Variants in VPS13D observed in about 807,000 individuals in gnomAD.
The protein encoded by VPS13D is intermembrane lipid transfer protein VPS13D.
Under a neutral mutation model 461.9 loss-of-function variants are expected in VPS13D, and 187 were observed. The ratio of observed to expected loss-of-function variants is 0.40; its 90% CI spans 0.36 to 0.46. The LOEUF is 0.46. Ranked by LOEUF, VPS13D falls within the 20% of genes least tolerant of loss-of-function variation. VPS13D has a pLI of 0.60. For synonymous variants in VPS13D, 1,951 were observed against 1,986.3 expected, an observed-to-expected ratio of 0.98 and a Z score of 0.47; for missense variants, 4,711 against 5,364.9, an observed-to-expected ratio of 0.88 and a Z score of 3.81.
chr1:12,247,886 ATTTT>A (rs573458027), intron 5 of VPS13D, among the ~76,000 whole-genome samples: 2 of 118,838 alleles, frequency 1.7e-5, no homozygotes, highest in African/African-American at 3.1e-5. Context: ...GTATTTTTGT[ATTTT>A]TTTTTTTTTT....
chr1:12,455,174 T>C (rs1030705634), intron 65 of VPS13D, among the ~76,000 whole-genome samples: 1 of 152,220 alleles, frequency 6.6e-6, no homozygotes, highest in Non-Finnish European at 1.5e-5. Flanking sequence ...TGTTAATCTT[T>C]CCATCGATTT....
intron 35 of VPS13D, among the ~76,000 whole-genome samples, chr1:12,323,991 C>T (rs560896739): frequency 5.3e-5 from 8 of 152,286 alleles, no homozygotes; most frequent in African/African-American, 9.6e-5. Flanking sequence ...TCACTGCAAC[C>T]TCCACCTCCC....
intron 65 of VPS13D, among the ~76,000 whole-genome samples, chr1:12,429,249 T>A (rs1028926862): frequency 6.6e-6 from 1 of 152,204 alleles, no homozygotes; most frequent in Non-Finnish European, 1.5e-5. Flanking sequence ...ATGAATGTGT[T>A]ATTGTCTAGC....
rs144224085 is a variant in VPS13D, at chr1:12,280,031, G to T, written c.4602+381G>T. Among the ~76,000 whole-genome samples, 163 of 152,130 alleles carry T rather than the reference G, an allele frequency of 1.1e-3. 1 individual carries two copies. The East Asian group carries it at 0.019, about 18-fold the overall frequency. ...GAAACATTGTGATCATCTGAGCTGT[G>T]GACAGATCCTTTCAACAGAGAATTA... On this transcript the variant is annotated intron_variant, in intron 20 of 69. Transcript: ENST00000620676.
In VPS13D at chr1:12,508,748, A is replaced by G. The variant is rs1646147059; in HGVS notation, c.13036-145A>G. 6 of 827,486 alleles carry G rather than the reference A, an allele frequency of 7.3e-6. No individual in the cohort carries two copies. In the South Asian group the frequency reaches 1.0e-4, roughly 14 times the overall value. 51.3% of individuals were successfully genotyped at this position (827,486 alleles called of 1,614,324 possible). ...CCAGACTTGTGAGTGCGAGTGAAGCAGGAGCAGCCCTGGCCATCACTGTTT... is the reference window on the plus strand; with the variant it reads ...CCAGACTTGTGAGTGCGAGTGAAGCGGGAGCAGCCCTGGCCATCACTGTTT... On this transcript the variant is annotated intron_variant, in intron 69 of 69. Coordinates refer to ENST00000620676, the MANE Select transcript of VPS13D (RefSeq NM_015378.4).
At chr1:12,360,100 G>A (rs1643927604) in intron 50 of VPS13D, among the ~76,000 whole-genome samples, 1 of 152,214 alleles carries the variant, frequency 6.6e-6, no homozygotes, top group African/African-American at 2.4e-5. Flanking sequence ...ACCCATATAA[G>A]CTGTTATGCT....
Position 12,322,655 on chromosome 1 carries a change from G to A in VPS13D, c.7824G>A (p.Glu2608=). The stretch of plus-strand genomic sequence containing the variant: ...CAGTGCCAGACTCAGTGGCCCTGGA[G>A]TCAGACTCCGTTGGCACTTACCTTC... The part of the protein sequence containing the change: ...NAAVPDSVAL[E]SDSVGTYLPG... Residue 2608 remains glutamate, a synonymous_variant, in exon 34 of 70, where the codon GAG becomes GAA. Transcript: ENST00000620676. 5 of 1,614,224 alleles carry A rather than the reference G, an allele frequency of 3.1e-6. No homozygotes were observed. The highest frequency in any genetic ancestry group is 4.2e-6 in the Non-Finnish European group (5 of 1,180,034).
intron 69 of VPS13D, among the ~76,000 whole-genome samples, chr1:12,508,385 G>C (rs1026417171): frequency 6.6e-6 from 1 of 152,016 alleles, no homozygotes; most frequent in Non-Finnish European, 1.5e-5. Context: ...AGGTGAGTAT[G>C]GGTTGGCTGT....
chr1:12,270,231 C>T lies in VPS13D; in HGVS notation c.1973-763C>T, dbSNP rs547664722. ...CAGCACTTTGGGAGGCTGAGGCAGG[C>T]GGATCACTAGAGGTCAGGAGTTCAA... On this transcript the variant is annotated intron_variant, in intron 16 of 69. Coordinates refer to ENST00000620676, the MANE Select transcript of VPS13D (RefSeq NM_015378.4). Among the ~76,000 whole-genome samples, 575 of 151,930 alleles carry T rather than the reference C, an allele frequency of 3.8e-3. 4 individuals carry two copies. The highest frequency in any genetic ancestry group is 0.012 in the African/African-American group (504 of 41,432).
At chr1:12,295,150 G>C (rs1346368379) in intron 24 of VPS13D, among the ~76,000 whole-genome samples, 1 of 151,018 alleles carries the variant, frequency 6.6e-6, no homozygotes, top group African/African-American at 2.4e-5. Flanking sequence ...CTTGAGCCCA[G>C]GAGGTGGAGG....
Position 12,453,425 on chromosome 1 carries a change from G to A in VPS13D, c.12334-2573G>A, listed in dbSNP as rs1345666240. On this transcript the variant is annotated intron_variant, in intron 65 of 69. Coordinates refer to ENST00000620676, the MANE Select transcript of VPS13D (RefSeq NM_015378.4). ...AGAGAAACAGGAAAGACCTGAATAA[G>A]ACCCTGAATTGGCTGCGGTGCTCCT... is the stretch of plus-strand genomic sequence containing the variant. 3.9e-5 allele frequency among the ~76,000 whole-genome samples: 6 copies of A among 152,206 alleles called. 1 individual carries two copies. The highest frequency in any genetic ancestry group is 1.2e-4 in the African/African-American group (5 of 41,522).
chr1:12,334,968 A>G (rs1406945266), intron 38 of VPS13D, among the ~76,000 whole-genome samples: 1 of 152,242 alleles, frequency 6.6e-6, no homozygotes, highest in African/African-American at 2.4e-5. Context: ...TTCTTCTTCC[A>G]AAAAGTATAA....
chr1:12,279,632 A>C lies in VPS13D; in HGVS notation c.4584A>C (p.Lys1528Asn), dbSNP rs1204884455. ...CTAGCATCATGAAGATTGAAGGAAA[A>C]TTTGTCAATCCAGTTCAGGTAAATT... Reference protein sequence around the residue: ...GTSSIMKIEGKFVNPVQVVLA... With the variant: ...GTSSIMKIEGNFVNPVQVVLA... The change falls in exon 20 of 70, where the codon AAA (lysine) becomes AAC (asparagine). Residue 1528 changes from lysine to asparagine, a missense_variant. By Grantham distance (94) the Lys-to-Asn change is moderately conservative. Around this residue, in one of 3 missense-constraint regions of VPS13D, gnomAD observed 4,411 missense variants for 4,937.8 expected, o/e 0.89. Transcript: ENST00000620676. This position sits in a 1 kb window ranked among gnomAD's most constrained non-coding sequence, Gnocchi z 4.3. 6.2e-7 allele frequency: 1 copy of C among 1,611,926 alleles called. No homozygotes were observed. Among genetic ancestry groups the C allele is most frequent in the Non-Finnish European group, 8.5e-7 (1 of 1,178,632 alleles).
chr1:12,344,041 A>T (rs971662117), intron 42 of VPS13D, among the ~76,000 whole-genome samples: 1 of 152,246 alleles, frequency 6.6e-6, no homozygotes, highest in African/African-American at 2.4e-5. Context: ...ACCCATACTC[A>T]AAACTGGAAT....
rs139539726 is a variant in VPS13D, at chr1:12,277,697, T to C, written c.4109T>C (p.Leu1370Ser). The change falls in exon 19 of 70, where the codon TTG becomes TCG. Residue 1370 changes from leucine to serine, a missense_variant. Transcript: ENST00000620676. ...GGGTTTGACCTAGCTTCGTCTCATT[T>C]GGACACTGTAAAGCTAATCTTGAAC... ...IYGFDLASSHLDTVKLILNIN... is the reference protein window; with the variant it reads ...IYGFDLASSHSDTVKLILNIN... 137 of 1,614,112 alleles carry C rather than the reference T, an allele frequency of 8.5e-5. No individual in the cohort carries two copies. Among genetic ancestry groups the C allele is most frequent in the Non-Finnish European group, 1.1e-4 (132 of 1,180,046 alleles).
intron 24 of VPS13D, among the ~76,000 whole-genome samples, chr1:12,297,054 T>A (rs1210104652): frequency 6.6e-6 from 1 of 152,250 alleles, no homozygotes; most frequent in Admixed American, 6.5e-5. Flanking sequence ...TCAAGAATCT[T>A]TAATTCTAGC....
rs189661541 is a variant in VPS13D at position 12,502,261 on chromosome 1, G to A, written c.12795-4592G>A. 3.1e-4 allele frequency among the ~76,000 whole-genome samples: 47 copies of A among 152,338 alleles called. No individual in the cohort carries two copies. Among genetic ancestry groups the A allele is most frequent in the Admixed American group, 5.2e-4 (8 of 15,304 alleles). On this transcript the variant is annotated intron_variant, in intron 68 of 69. Coordinates refer to ENST00000620676, the MANE Select transcript of VPS13D (RefSeq NM_015378.4). The surrounding 1 kb of genome is among the most constrained non-coding windows in gnomAD (Gnocchi z 4.3). ...GAGGCCTGAACACAGTGGCCGTAAC[G>A]ATGACTAGAAGAGGACAGATTGGAG...
At chr1:12,251,525 G>C (rs1640731855) in intron 6 of VPS13D, among the ~76,000 whole-genome samples, 1 of 152,186 alleles carries the variant, frequency 6.6e-6, no homozygotes, top group Non-Finnish European at 1.5e-5. Flanking sequence ...TAAAAAGATA[G>C]TATTTGTACA....
At chr1:12,344,453 A>G (rs541426076) in intron 42 of VPS13D, among the ~76,000 whole-genome samples, 1 of 152,262 alleles carries the variant, frequency 6.6e-6, no homozygotes, top group African/African-American at 2.4e-5. Context: ...TGTGCTTGGA[A>G]GCCACTTTAG....
Sources: gnomAD v4.1 joint callset for allele counts (sites outside exome capture counted in the v4.1 genomes callset) on GRCh38, gnomAD v4.1.1 for gene constraint, gnomAD v4.1.1 regional missense constraint, Gnocchi (gnomAD v3.1) non-coding constraint, MANE v1.5 for transcripts, NCBI Gene and HGNC (gene_info 2026-07-23, HGNC 2026-07-21) for gene names.